RTKN2: variants seen among roughly 807,000 people sequenced by gnomAD.
RTKN2 encodes rhotekin 2, also known as rhotekin-2.
Under a neutral mutation model 71.5 loss-of-function variants are expected in RTKN2, and 69 were observed. That is an observed-to-expected ratio of 0.96 (90% CI 0.79 to 1.18). The LOEUF is 1.18. Among genes scored for constraint, RTKN2 ranks in the 50% most tolerant of loss-of-function variants. The probability of loss-of-function intolerance (pLI) is 0.00; values close to 1 mark genes in which losing one functional copy is unlikely to be tolerated. For missense variants in RTKN2, 724 were observed against 719.7 expected, an observed-to-expected ratio of 1.01 and a Z score of -0.07; for synonymous variants, 236 against 236.5, an observed-to-expected ratio of 1.00 and a Z score of 0.02.
chr10:62,227,062 T>A (rs1411934618), intron 6 of RTKN2, among the ~76,000 whole-genome samples: 1 of 152,238 alleles, frequency 6.6e-6, no homozygotes, highest in African/African-American at 2.4e-5. Context: ...GGGCAGAATA[T>A]GTTATTTTCA....
At chr10:62,228,507 C>A (rs1842078461) in intron 6 of RTKN2, among the ~76,000 whole-genome samples, 1 of 151,792 alleles carries the variant, frequency 6.6e-6, no homozygotes, top group Non-Finnish European at 1.5e-5. Flanking sequence ...TAGAGAATGG[C>A]AGAAGAGGAA....
At chr10:62,218,341 A>C in intron 7 of RTKN2, 40 bp from the exon 8 acceptor site, 1 of 1,307,254 alleles carries the variant, frequency 7.6e-7, no homozygotes, top group Non-Finnish European at 1.1e-6. Context: ...CAAGTTATAA[A>C]TATAAGTTTA....
chr10:62,216,739 A>G (rs925705654), intron 9 of RTKN2, among the ~76,000 whole-genome samples: 4 of 152,112 alleles, frequency 2.6e-5, no homozygotes, highest in Admixed American at 6.5e-5. Flanking sequence ...TATAGTCAAG[A>G]ATGTCTTTTT....
At chr10:62,185,082 C>G (rs1223069159) in intron 8 of RTKN2, among the ~76,000 whole-genome samples, 1 of 152,150 alleles carries the variant, frequency 6.6e-6, no homozygotes, top group Non-Finnish European at 1.5e-5. Context: ...CCTTTTCTAA[C>G]TAATTTGCCA....
intron 2 of RTKN2, among the ~76,000 whole-genome samples, chr10:62,250,313 G>A (rs1842556202): frequency 6.6e-6 from 1 of 152,174 alleles, no homozygotes; most frequent in Non-Finnish European, 1.5e-5. Flanking sequence ...AATGAGTGAG[G>A]TGTCCTTTGG....
chr10:62,262,607 G>T lies in RTKN2; in HGVS notation c.257+18C>A. ...TATTTAAGTACATTAAAAGCCACAG[G>T]TAAACTATGTTACTAACCATCTTCC... On this transcript the variant is annotated intron_variant, in intron 2 of 11. Coordinates refer to ENST00000373789, the MANE Select transcript of RTKN2 (RefSeq NM_145307.4). 1 of 1,536,546 alleles carries T rather than the reference G, an allele frequency of 6.5e-7. No individual in the cohort carries two copies. Among genetic ancestry groups the T allele is most frequent in the Non-Finnish European group, 8.9e-7 (1 of 1,123,268 alleles).
In RTKN2 at chr10:62,195,597, C is replaced by G. The variant is rs1034719441; in HGVS notation, c.*2311G>C. On this transcript the variant is annotated 3_prime_UTR_variant, in exon 12 of 12. Coordinates refer to ENST00000373789, the MANE Select transcript of RTKN2 (RefSeq NM_145307.4). ...AGGGAAGGAGGGAAGGAGAGACGGA[C>G]AGAGGGAATGAAGGAAGGAAGGAAG... The G allele has an allele frequency of 1.3e-4, 79 of 591,002 alleles. 5 individuals carry two copies. Among genetic ancestry groups the G allele is most frequent in the Non-Finnish European group, 1.5e-4 (75 of 489,584 alleles). The allele number at this position is 591,002 out of a possible 1,614,324, so 36.6% of individuals were successfully genotyped here. A position where few individuals can be genotyped will look rare whatever the true frequency, so the allele number is the denominator to read the frequency against.
rs1341830066 is a variant in RTKN2, at chr10:62,223,301, T to C, written c.718A>G (p.Thr240Ala). Residue 240 changes from threonine (T) to alanine (A), a missense_variant, in exon 7 of 12, where the codon ACC (threonine) becomes GCC (alanine). Transcript: ENST00000373789. ...TCCTCAGCACTTTCCAAGGTTAGGGTAGTGTGAGCTAGCAAATTATACTTT... is the reference window on the plus strand; with the variant it reads ...TCCTCAGCACTTTCCAAGGTTAGGGCAGTGTGAGCTAGCAAATTATACTTT... ...GVKYNLLAHT[T>A]LTLESAEDSF... The C allele has an allele frequency of 6.2e-7, 1 of 1,609,398 alleles. No homozygotes were observed. Among genetic ancestry groups the C allele is most frequent in the Non-Finnish European group, 8.5e-7 (1 of 1,176,026 alleles).
At chr10:62,204,794 T>A in intron 10 of RTKN2, 63 bp downstream of exon 10, 1 of 1,252,284 alleles carries the variant, frequency 8.0e-7, no homozygotes, top group South Asian at 1.6e-5. Flanking sequence ...ATTTTAAGAT[T>A]GCTGTGCACA....
chr10:62,253,828 CA>C (rs1368256507), intron 2 of RTKN2, among the ~76,000 whole-genome samples: 2 of 151,712 alleles, frequency 1.3e-5, no homozygotes, highest in African/African-American at 4.8e-5. Flanking sequence ...AAAAGTGATA[CA>C]GTGGAAAAAA....
intron 2 of RTKN2, among the ~76,000 whole-genome samples, chr10:62,257,409 T>C (rs961600629): frequency 2.0e-5 from 3 of 152,166 alleles, no homozygotes; most frequent in Admixed American, 6.6e-5. Context: ...GTCCTTACCA[T>C]GGACATAAAG....
Position 62,194,901 on chromosome 10 carries a change from T to C in RTKN2, c.*3007A>G. ...ATTTAGTTTTCCACATATATTCACA[T>C]CCATTTAAAAGAAGTCAGGGGGCAC... is the stretch of plus-strand genomic sequence containing the variant. On this transcript the variant is annotated 3_prime_UTR_variant, in exon 12 of 12. Transcript: ENST00000373789. 1.0e-6 allele frequency: 1 copy of C among 985,232 alleles called. No individual in the cohort carries two copies. The highest frequency in any genetic ancestry group is 1.7e-5 in the African/African-American group (1 of 57,328). 61.0% of individuals were successfully genotyped at this position (985,232 alleles called of 1,614,324 possible). A position where few individuals can be genotyped will look rare whatever the true frequency, so the allele number is the denominator to read the frequency against.
rs1841360544 is a variant in RTKN2 at position 62,197,906 on chromosome 10, T to G, written c.*2A>C. 1 of 1,604,654 alleles carries G rather than the reference T, an allele frequency of 6.2e-7. No individual in the cohort carries two copies. Among genetic ancestry groups the G allele is most frequent in the South Asian group, 1.1e-5 (1 of 89,468 alleles). On this transcript the variant is annotated 3_prime_UTR_variant, in exon 12 of 12. Coordinates refer to ENST00000373789, the MANE Select transcript of RTKN2 (RefSeq NM_145307.4). Reference sequence around the variant, plus strand: ...GTTAAATGTTTTATCATTAAGAGTTTTCTATACTTGTGCCTGCAGCCATGA... The same window carrying G: ...GTTAAATGTTTTATCATTAAGAGTTGTCTATACTTGTGCCTGCAGCCATGA...
chr10:62,256,161 G>A (rs1328014443), intron 2 of RTKN2, among the ~76,000 whole-genome samples: 1 of 151,940 alleles, frequency 6.6e-6, no homozygotes, highest in Non-Finnish European at 1.5e-5. Flanking sequence ...TGAGATCATA[G>A]GCACACACCA....
chr10:62,259,460 C>T (rs1361765343), intron 2 of RTKN2, among the ~76,000 whole-genome samples: 1 of 152,208 alleles, frequency 6.6e-6, no homozygotes, highest in Non-Finnish European at 1.5e-5. Flanking sequence ...TTCCTCCTTC[C>T]TTTTCATCTT....
At chr10:62,255,674 A>C (rs1294105144) in intron 2 of RTKN2, among the ~76,000 whole-genome samples, 1 of 152,236 alleles carries the variant, frequency 6.6e-6, no homozygotes, top group East Asian at 1.9e-4. Context: ...GGATAACAGA[A>C]TAGTCACCCA....
chr10:62,194,667 C>G lies in RTKN2; in HGVS notation c.*3241G>C. On this transcript the variant is annotated 3_prime_UTR_variant, in exon 12 of 12. Transcript: ENST00000373789. ...TTTAACATAAATTGCACCAAACTGC[C>G]CTATAATTTCATTTTGGACTGAATT... The G allele has an allele frequency of 4.1e-6, 4 of 985,226 alleles. No homozygotes were observed. Among genetic ancestry groups the G allele is most frequent in the Non-Finnish European group, 4.8e-6 (4 of 829,836 alleles). 61.0% of individuals were successfully genotyped at this position (985,226 alleles called of 1,614,324 possible).
At chr10:62,205,096 T>C (rs1246642089) in intron 9 of RTKN2, 74 bp from the exon 10 acceptor site, 1 of 1,158,492 alleles carries the variant, frequency 8.6e-7, no homozygotes, top group African/African-American at 1.6e-5. Flanking sequence ...TTTTATTGCT[T>C]AGCTACCATA....
chr10:62,203,675 C>T (rs189104132), intron 10 of RTKN2, among the ~76,000 whole-genome samples: 230 of 152,232 alleles, frequency 1.5e-3, no homozygotes, highest in Admixed American at 6.5e-3. Context: ...ATGTGGTACA[C>T]GCTGATAAGC....
Sources: allele counts gnomAD v4.1 joint callset (sites outside exome capture counted in the v4.1 genomes callset), GRCh38; gene constraint gnomAD v4.1.1; transcripts MANE v1.5; gene names NCBI Gene and HGNC (gene_info 2026-07-23, HGNC 2026-07-21).